ZNF831: variants seen among roughly 807,000 people sequenced by gnomAD.
ZNF831 encodes zinc finger protein 831.
A neutral mutation model predicts 95.8 loss-of-function variants in ZNF831; 59 were observed. The ratio of observed to expected loss-of-function variants is 0.62; its 90% CI spans 0.50 to 0.77. The LOEUF is 0.77. Among genes scored for constraint, ZNF831 ranks in the 30% least tolerant of loss-of-function variants. ZNF831 has a pLI of 0.00. For synonymous variants in ZNF831, 961 were observed against 925.5 expected, an observed-to-expected ratio of 1.04 and a Z score of -0.70; for missense variants, 2,205 against 2,164.0, an observed-to-expected ratio of 1.02 and a Z score of -0.38.
intron 4 of ZNF831, among the ~76,000 whole-genome samples, chr20:59,246,205 T>C (rs1024608725): frequency 6.6e-6 from 1 of 152,198 alleles, no homozygotes. Flanking sequence ...AGAGCCCTCT[T>C]CTCTCTCTGT....
chr20:59,200,261 C>G (rs1479755409), intron 3 of ZNF831, among the ~76,000 whole-genome samples: 1 of 152,120 alleles, frequency 6.6e-6, no homozygotes, highest in Non-Finnish European at 1.5e-5. Flanking sequence ...AAATTCTTAG[C>G]CATCATTCTC....
chr20:59,175,053 ACCCTTTTC>A (rs1982036510), intron 1 of ZNF831, among the ~76,000 whole-genome samples: 1 of 151,952 alleles, frequency 6.6e-6, no homozygotes, highest in Non-Finnish European at 1.5e-5. Flanking sequence ...AAAATGTGAT[ACCCTTTTC>A]TACTTGCCTC....
Position 59,257,219 on chromosome 20 carries a change from G to A in ZNF831, c.*2476G>A, listed in dbSNP as rs932606393. 6.6e-6 allele frequency: 1 copy of A among 152,200 alleles called. No homozygotes were observed. The highest frequency in any genetic ancestry group is 2.4e-5 in the African/African-American group (1 of 41,438). The allele number at this position is 152,200 out of a possible 1,614,324, so 9.4% of individuals were successfully genotyped here. On this transcript the variant is annotated 3_prime_UTR_variant, in exon 6 of 6. Coordinates refer to ENST00000371030, the MANE Select transcript of ZNF831 (RefSeq NM_178457.3). The stretch of plus-strand genomic sequence containing the variant: ...TCCCTGTATCTCTTACAAAGGTAAA[G>A]CAGGTAGCGAAGCCACCTTGCTTCC...
In ZNF831 at chr20:59,208,795, G is replaced by T. The variant is rs1261576693; in HGVS notation, c.4027+1739G>T. Among the ~76,000 whole-genome samples, 1 of 152,134 alleles carries T rather than the reference G, an allele frequency of 6.6e-6. No individual in the cohort carries two copies. The highest frequency in any genetic ancestry group is 1.5e-5 in the Non-Finnish European group (1 of 68,030). On this transcript the variant is annotated intron_variant, in intron 4 of 5. Coordinates refer to ENST00000371030, the MANE Select transcript of ZNF831 (RefSeq NM_178457.3). This position sits in a 1 kb window ranked among gnomAD's most constrained non-coding sequence, Gnocchi z 4.2. ...GAACCCCTGCTGAGACGCTGGCAGA[G>T]AGCTGGTAGCCCCCGCTACCTGGGA... is the stretch of plus-strand genomic sequence containing the variant.
chr20:59,169,740 A>G lies in ZNF831; in HGVS notation c.-37+5533A>G, dbSNP rs1220280558. 6.6e-6 allele frequency among the ~76,000 whole-genome samples: 1 copy of G among 152,106 alleles called. No homozygotes were observed. Among genetic ancestry groups the G allele is most frequent in the Non-Finnish European group, 1.5e-5 (1 of 68,026 alleles). On this transcript the variant is annotated intron_variant, in intron 1 of 5. Transcript: ENST00000371030. This position sits in a 1 kb window ranked among gnomAD's most constrained non-coding sequence, Gnocchi z 4.1. ...CATGATGAAACCCTATCTCTACTAAAAATACAAAAATTAGCCGGGCATGAT... is the reference window on the plus strand; with the variant it reads ...CATGATGAAACCCTATCTCTACTAAGAATACAAAAATTAGCCGGGCATGAT...
intron 4 of ZNF831, among the ~76,000 whole-genome samples, chr20:59,247,229 C>G (rs532833905): frequency 2.6e-5 from 4 of 152,344 alleles, no homozygotes; most frequent in African/African-American, 9.6e-5. Flanking sequence ...TAGTTTTGCT[C>G]TTTTCCATAG....
chr20:59,174,915 G>GTCA (rs1982023208), intron 1 of ZNF831, among the ~76,000 whole-genome samples: 1 of 151,992 alleles, frequency 6.6e-6, no homozygotes, highest in African/African-American at 2.4e-5. Context: ...TTGAGGGTGG[G>GTCA]CCTGCTGGTG....
chr20:59,213,101 C>G (rs185162100), intron 4 of ZNF831, among the ~76,000 whole-genome samples: 2 of 152,190 alleles, frequency 1.3e-5, no homozygotes, highest in African/African-American at 2.4e-5. Flanking sequence ...TGATAAAGCT[C>G]TATAATATTT....
chr20:59,125,665 T>C (rs1462780595), intron 1 of ZNF831, among the ~76,000 whole-genome samples: 1 of 152,136 alleles, frequency 6.6e-6, no homozygotes, highest in East Asian at 1.9e-4. Flanking sequence ...TGTCAAGGAA[T>C]TGGGGAAAAG....
intron 2 of ZNF831, among the ~76,000 whole-genome samples, chr20:59,152,545 G>A (rs1401331475): frequency 6.6e-6 from 1 of 152,198 alleles, no homozygotes; most frequent in African/African-American, 2.4e-5. Context: ...CTGGCGAATA[G>A]GGTACAAAGT....
intron 4 of ZNF831, among the ~76,000 whole-genome samples, chr20:59,232,547 A>C (rs1184094642): frequency 6.6e-6 from 1 of 152,044 alleles, no homozygotes; most frequent in Non-Finnish European, 1.5e-5. Context: ...AGACCTTCCA[A>C]CAGGATCTAC....
At chr20:59,151,410 G>A (rs1479258113) in intron 2 of ZNF831, among the ~76,000 whole-genome samples, 2 of 152,192 alleles carry the variant, frequency 1.3e-5, no homozygotes, top group Non-Finnish European at 2.9e-5. Context: ...TGATGCTACT[G>A]TGAGCGTTGA....
chr20:59,126,003 A>G (rs576333057), intron 1 of ZNF831, among the ~76,000 whole-genome samples: 12 of 151,556 alleles, frequency 7.9e-5, no homozygotes, highest in Admixed American at 2.0e-4. Flanking sequence ...AGCAGGAGCC[A>G]CACTTGGAAA....
At chr20:59,166,326 T>C (rs1488881962) in intron 1 of ZNF831, among the ~76,000 whole-genome samples, 3 of 152,224 alleles carry the variant, frequency 2.0e-5, no homozygotes, top group Admixed American at 6.5e-5. Context: ...TTGTTCCTGT[T>C]TTGATTCTAT....
intron 1 of ZNF831, among the ~76,000 whole-genome samples, chr20:59,143,576 A>G (rs1298797935): frequency 6.6e-6 from 1 of 152,082 alleles, no homozygotes; most frequent in Non-Finnish European, 1.5e-5. Flanking sequence ...CCCACCTGGG[A>G]CTTCTCTGCC....
At chr20:59,235,010 G>T (rs1986922698) in intron 4 of ZNF831, among the ~76,000 whole-genome samples, 1 of 152,214 alleles carries the variant, frequency 6.6e-6, no homozygotes, top group Non-Finnish European at 1.5e-5. Context: ...GGTCCCGCAT[G>T]ACATTTTGTC....
chr20:59,249,855 T>A (rs1473221541), intron 4 of ZNF831, among the ~76,000 whole-genome samples: 1 of 151,934 alleles, frequency 6.6e-6, no homozygotes, highest in Non-Finnish European at 1.5e-5. Flanking sequence ...CAACAAGAGG[T>A]TAGTAATTAA....
At chr20:59,247,616 C>A (rs1477199581) in intron 4 of ZNF831, among the ~76,000 whole-genome samples, 1 of 152,136 alleles carries the variant, frequency 6.6e-6, no homozygotes, top group African/African-American at 2.4e-5. Context: ...TGTTAATTCC[C>A]GGGATGCTTC....
intron 2 of ZNF831, among the ~76,000 whole-genome samples, chr20:59,147,798 G>C (rs1371182050): frequency 6.6e-6 from 1 of 152,232 alleles, no homozygotes; most frequent in Non-Finnish European, 1.5e-5. Flanking sequence ...TTGTGTGTGA[G>C]ACTAATTATC....
Sources: gnomAD v4.1 joint callset for allele counts (sites outside exome capture counted in the v4.1 genomes callset) on GRCh38, gnomAD v4.1.1 for gene constraint, Gnocchi (gnomAD v3.1) non-coding constraint, MANE v1.5 for transcripts, NCBI Gene and HGNC (gene_info 2026-07-23, HGNC 2026-07-21) for gene names.